TIAM1: variants seen among roughly 807,000 people sequenced by gnomAD.
TIAM1 encodes rho guanine nucleotide exchange factor TIAM1.
TIAM1 carries 65 observed loss-of-function variants against 163.5 expected under a neutral mutation model. That is an observed-to-expected ratio of 0.40 (90% CI 0.33 to 0.49). The LOEUF (loss-of-function observed/expected upper bound fraction) is 0.49, where lower values mean the gene tolerates loss of function less well. TIAM1 is among the 20% of genes least tolerant of loss of function. The pLI is 0.77. For missense variants in TIAM1, 1,789 were observed against 2,044.7 expected (o/e 0.87, Z 2.41); for synonymous variants, 833 against 810.1 (o/e 1.03, Z -0.48).
rs552459980 is a variant in TIAM1, at chr21:31,329,671, G to A, written c.-189+9572C>T. ...TCAGTGCTTTCACAGCTATGAAGCC[G>A]CCAGGGAAAATCCCATTCTTAGAGT... On this transcript the variant is annotated intron_variant, in intron 2 of 27. Transcript: ENST00000541036. 5.3e-5 allele frequency among the ~76,000 whole-genome samples: 8 copies of A among 152,288 alleles called. No individual in the cohort carries two copies. The East Asian group carries it at 9.6e-4, about 18-fold the overall frequency.
In TIAM1 at chr21:31,171,683, C is replaced by T. The variant is rs150088754; in HGVS notation, c.2888-6618G>A. On this transcript the variant is annotated intron_variant, in intron 15 of 27. Transcript: ENST00000541036. ...TGATTATTTCTTTCATCTCTTTAAG[C>T]GCAGACTTTTATGTCTATTTCGCCA... 1.1e-3 allele frequency among the ~76,000 whole-genome samples: 174 copies of T among 152,266 alleles called. 2 individuals are homozygous for T. Among genetic ancestry groups the T allele is most frequent in the Non-Finnish European group, 1.5e-3 (102 of 68,024 alleles).
intron 6 of TIAM1, among the ~76,000 whole-genome samples, chr21:31,233,447 C>T: frequency 6.6e-6 from 1 of 152,160 alleles, no homozygotes; most frequent in Non-Finnish European, 1.5e-5. Flanking sequence ...GTGGCTCACG[C>T]CTGTAATCCC....
chr21:31,150,699 A>G (rs966006080), intron 19 of TIAM1, among the ~76,000 whole-genome samples: 1 of 152,182 alleles, frequency 6.6e-6, no homozygotes, highest in Non-Finnish European at 1.5e-5. Flanking sequence ...TAAGACACCA[A>G]AAGTGTGATT....
chr21:31,179,610 T>C (rs1490149732), intron 15 of TIAM1, among the ~76,000 whole-genome samples: 1 of 150,740 alleles, frequency 6.6e-6, no homozygotes, highest in East Asian at 2.0e-4. Context: ...TTTAAAATAA[T>C]GGCAGGGTCC....
At chr21:31,189,264 AGACTG>A (rs1938575321) in intron 13 of TIAM1, among the ~76,000 whole-genome samples, 1 of 151,856 alleles carries the variant, frequency 6.6e-6, no homozygotes. Flanking sequence ...CATGCTGGCC[AGACTG>A]GTCTCAAACT....
intron 23 of TIAM1, among the ~76,000 whole-genome samples, chr21:31,133,592 CACTT>C (rs2146246095): frequency 6.6e-6 from 1 of 152,372 alleles, no homozygotes; most frequent in South Asian, 2.1e-4. Flanking sequence ...TTTCCTGAAT[CACTT>C]ACACCATGGG....
chr21:31,279,111 C>T (rs2073430435), intron 2 of TIAM1, among the ~76,000 whole-genome samples: 1 of 151,456 alleles, frequency 6.6e-6, no homozygotes, highest in South Asian at 2.1e-4. Flanking sequence ...CTTCTAGTCC[C>T]TGAACAAAAA....
At chr21:31,383,695 C>T (rs2076818015) in intron 2 of TIAM1, among the ~76,000 whole-genome samples, 1 of 152,182 alleles carries the variant, frequency 6.6e-6, no homozygotes, top group Non-Finnish European at 1.5e-5. Context: ...ATATATGTAT[C>T]TCCATACCTT....
At chr21:31,371,373 C>T (rs1369516293) in intron 2 of TIAM1, among the ~76,000 whole-genome samples, 2 of 152,096 alleles carry the variant, frequency 1.3e-5, no homozygotes, top group East Asian at 1.9e-4. Context: ...CCTCATTTTA[C>T]GATGAGACTC....
At chr21:31,142,863 A>G (rs2082920065) in intron 20 of TIAM1, among the ~76,000 whole-genome samples, 1 of 152,068 alleles carries the variant, frequency 6.6e-6, no homozygotes, top group Admixed American at 6.5e-5. Context: ...TCAGTGTCCC[A>G]GCTGGTTTGG....
intron 4 of TIAM1, among the ~76,000 whole-genome samples, chr21:31,261,927 T>C (rs1023151306): frequency 3.3e-5 from 5 of 152,138 alleles, no homozygotes; most frequent in Non-Finnish European, 7.3e-5. Context: ...AACCTGGCCG[T>C]GTTCCTTCAT....
At chr21:31,196,906 T>C (rs573478659) in intron 12 of TIAM1, among the ~76,000 whole-genome samples, 4 of 152,220 alleles carry the variant, frequency 2.6e-5, no homozygotes, top group African/African-American at 7.2e-5. Flanking sequence ...GAATACTATG[T>C]AGCCATGAAA....
chr21:31,300,845 T>C (rs2074469138), intron 2 of TIAM1, among the ~76,000 whole-genome samples: 1 of 152,204 alleles, frequency 6.6e-6, no homozygotes, highest in African/African-American at 2.4e-5. Flanking sequence ...CAAATAGAGA[T>C]ACGGTAAAAT....
intron 15 of TIAM1, among the ~76,000 whole-genome samples, chr21:31,173,876 G>A (rs2084640417): frequency 6.6e-6 from 1 of 152,030 alleles, no homozygotes; most frequent in African/African-American, 2.4e-5. Context: ...TTTTTCACAC[G>A]CAGGATTTGA....
chr21:31,498,781 A>C (rs2046750859), intron 1 of TIAM1, among the ~76,000 whole-genome samples: 2 of 152,092 alleles, frequency 1.3e-5, no homozygotes, highest in Non-Finnish European at 1.5e-5. Flanking sequence ...CCCCATCTCT[A>C]CTAAAATTAT....
chr21:31,476,019 A>C (rs2045925930), intron 1 of TIAM1, among the ~76,000 whole-genome samples: 1 of 152,216 alleles, frequency 6.6e-6, no homozygotes, highest in Admixed American at 6.5e-5. Flanking sequence ...CAAATGATAA[A>C]ACATCAGCAC....
rs544438199 is a variant in TIAM1, at chr21:31,124,398, T to A, written c.4306+124A>T. 1.5e-4 allele frequency: 209 copies of A among 1,378,366 alleles called. No individual in the cohort carries two copies. In the East Asian group the frequency reaches 5.5e-3, roughly 36 times the overall value. 85.4% of individuals were successfully genotyped at this position (1,378,366 alleles called of 1,614,324 possible). On this transcript the variant is annotated intron_variant, in intron 27 of 27. Coordinates refer to ENST00000541036, the MANE Select transcript of TIAM1 (RefSeq NM_001353694.2). ...GGAACCTCACACCAGGGAAAAACCGTCCTCCTACATCAGCCCCCACCAGGC... is the reference window on the plus strand; with the variant it reads ...GGAACCTCACACCAGGGAAAAACCGACCTCCTACATCAGCCCCCACCAGGC...
intron 8 of TIAM1, among the ~76,000 whole-genome samples, chr21:31,218,548 G>A (rs1051359058): frequency 2.0e-5 from 3 of 147,572 alleles, no homozygotes; most frequent in Non-Finnish European, 4.4e-5. Flanking sequence ...TAGCCTGGGC[G>A]ACAGAACGAG....
chr21:31,503,330 G>A (rs1420379561), intron 1 of TIAM1, among the ~76,000 whole-genome samples: 2 of 150,998 alleles, frequency 1.3e-5, no homozygotes, highest in African/African-American at 4.9e-5. Context: ...GGGAGGTGGA[G>A]GTTGCAGTGA....
Sources: gnomAD v4.1 joint callset for allele counts (sites outside exome capture counted in the v4.1 genomes callset) on GRCh38, gnomAD v4.1.1 for gene constraint, MANE v1.5 for transcripts, NCBI Gene and HGNC (gene_info 2026-07-23, HGNC 2026-07-21) for gene names.